The following CTIF variants were observed in gnomAD, a reference collection of about 807,000 sequenced individuals.
The protein encoded by CTIF is cap binding complex dependent translation initiation factor.
In CTIF, 21 loss-of-function variants were observed where a neutral mutation model predicts 66.0. That is an observed-to-expected ratio of 0.32 (90% CI 0.23 to 0.46). The LOEUF (loss-of-function observed/expected upper bound fraction) is 0.46. Among genes scored for constraint, CTIF ranks in the 20% least tolerant of loss-of-function variants. The pLI is 1.00. For synonymous variants in CTIF, 345 were observed against 326.4 expected, an observed-to-expected ratio of 1.06 and a Z score of -0.62; for missense variants, 739 against 812.7, an observed-to-expected ratio of 0.91 and a Z score of 1.10.
At position 48,832,173 on chromosome 18, in the gene CTIF, C is replaced by CTTTTTTTTTTTT. The variant is rs61221781; in HGVS notation, c.1527+14802_1527+14813dup. ...GCAGGGTCTGGAAAACGTGGTCCTTCTTTTTTTTTTTTTTTTAAGACAGGG... is the reference window on the plus strand; with the variant it reads ...GCAGGGTCTGGAAAACGTGGTCCTTCTTTTTTTTTTTTTTTTTTTTTTTTTTTTAAGACAGGG... On this transcript the variant is annotated intron_variant, in intron 10 of 11. Transcript: ENST00000256413. 3.0e-3 allele frequency among the ~76,000 whole-genome samples: 390 copies of CTTTTTTTTTTTT among 128,220 alleles called. 9 individuals carry two copies. Among genetic ancestry groups the CTTTTTTTTTTTT allele is most frequent in the South Asian group, 0.014 (57 of 4,088 alleles). 84.1% of individuals were successfully genotyped at this position (128,220 alleles called of 152,430 possible).
intron 9 of CTIF, among the ~76,000 whole-genome samples, chr18:48,798,635 C>T (rs1280049918): frequency 6.6e-6 from 1 of 152,222 alleles, no homozygotes; most frequent in African/African-American, 2.4e-5. Context: ...CCCCCACCTG[C>T]AGGCCTTACA....
At chr18:48,629,272 C>T (rs1448759022) in intron 2 of CTIF, among the ~76,000 whole-genome samples, 4 of 152,118 alleles carry the variant, frequency 2.6e-5, no homozygotes. Flanking sequence ...GTTAAGAAGC[C>T]CTGGGTAAGA....
chr18:48,647,814 C>G (rs1194002850), intron 3 of CTIF, among the ~76,000 whole-genome samples: 1 of 152,204 alleles, frequency 6.6e-6, no homozygotes, highest in Non-Finnish European at 1.5e-5. Context: ...AGGTCACCCC[C>G]CAGACCAGAT....
At chr18:48,680,876 G>A (rs745482450) in intron 6 of CTIF, among the ~76,000 whole-genome samples, 8 of 152,216 alleles carry the variant, frequency 5.3e-5, no homozygotes, top group Non-Finnish European at 1.0e-4. Flanking sequence ...TCTCCTTCCT[G>A]GCAGCGGTGA....
At chr18:48,662,625 C>A (rs2091365688) in intron 3 of CTIF, 1 of 151,398 alleles carries the variant, frequency 6.6e-6, no homozygotes, top group African/African-American at 2.4e-5. Context: ...GTTTTTGTGC[C>A]CTCTCCTTCT....
intron 7 of CTIF, among the ~76,000 whole-genome samples, chr18:48,731,012 T>C (rs983929408): frequency 7.2e-5 from 11 of 151,888 alleles, no homozygotes; most frequent in Non-Finnish European, 1.6e-4. Flanking sequence ...AAGAGAAAAG[T>C]GGAGAACCAT....
intron 2 of CTIF, among the ~76,000 whole-genome samples, chr18:48,623,276 AG>A (rs1568081523): frequency 6.6e-6 from 1 of 152,244 alleles, no homozygotes; most frequent in Non-Finnish European, 1.5e-5. Flanking sequence ...CGAAGAATGC[AG>A]ACACCTGGCA....
chr18:48,787,541 G>C (rs1050773436), intron 9 of CTIF, among the ~76,000 whole-genome samples: 1 of 152,120 alleles, frequency 6.6e-6, no homozygotes, highest in African/African-American at 2.4e-5. Context: ...GAGGGCCTTG[G>C]ATACAATTGC....
chr18:48,735,379 C>T lies in CTIF; in HGVS notation c.585-22540C>T, dbSNP rs551686690. On this transcript the variant is annotated intron_variant, in intron 7 of 11. Coordinates refer to ENST00000256413, the MANE Select transcript of CTIF (RefSeq NM_014772.3). ...AGCCAGTGAAGAATTAGAGCCAGTG[C>T]GCCAATTCTTCACTGCATCTGTGGC... is the stretch of plus-strand genomic sequence containing the variant. 1.7e-4 allele frequency among the ~76,000 whole-genome samples: 26 copies of T among 152,276 alleles called. 1 individual carries two copies. In the East Asian group the frequency reaches 1.9e-3, roughly 11 times the overall value.
chr18:48,738,477 C>T (rs532286855), intron 7 of CTIF, among the ~76,000 whole-genome samples: 2 of 152,298 alleles, frequency 1.3e-5, no homozygotes, highest in East Asian at 1.9e-4. Flanking sequence ...TCTGCACTCC[C>T]GCCACCCTGC....
At chr18:48,769,685 C>A (rs962162419) in intron 9 of CTIF, among the ~76,000 whole-genome samples, 1 of 152,368 alleles carries the variant, frequency 6.6e-6, no homozygotes, top group East Asian at 1.9e-4. Context: ...GTTCTTTGCC[C>A]CTGCGGCCAG....
intron 7 of CTIF, among the ~76,000 whole-genome samples, chr18:48,755,010 A>G (rs1448895572): frequency 1.3e-5 from 2 of 152,186 alleles, no homozygotes; most frequent in African/African-American, 4.8e-5. Context: ...CACTGGGTAG[A>G]GAGAGGGAAA....
chr18:48,641,761 A>C (rs1041475377), intron 3 of CTIF, among the ~76,000 whole-genome samples: 1 of 152,192 alleles, frequency 6.6e-6, no homozygotes, highest in Non-Finnish European at 1.5e-5. Flanking sequence ...GAAACACCCA[A>C]CTGGATCCAA....
chr18:48,695,215 G>T lies in CTIF; in HGVS notation c.508-16404G>T, dbSNP rs115285253. 3.6e-3 allele frequency among the ~76,000 whole-genome samples: 555 copies of T among 152,348 alleles called. 5 individuals carry two copies. Among genetic ancestry groups the T allele is most frequent in the African/African-American group, 0.013 (523 of 41,570 alleles). ...GCATTCAGTGCTGGAATTGTTTACA[G>T]AGCGAGTGCCCACCACAATTGGGGC... is the stretch of plus-strand genomic sequence containing the variant. On this transcript the variant is annotated intron_variant, in intron 6 of 11. Coordinates refer to ENST00000256413, the MANE Select transcript of CTIF (RefSeq NM_014772.3).
rs563152149 is a variant in CTIF at position 48,584,743 on chromosome 18, G to A, written c.-28-34795G>A. Among the ~76,000 whole-genome samples the A allele has an allele frequency of 1.0e-3, 156 of 152,276 alleles. 1 individual carries two copies. Among genetic ancestry groups the A allele is most frequent in the African/African-American group, 3.4e-3 (143 of 41,558 alleles). On this transcript the variant is annotated intron_variant, in intron 1 of 11. Transcript: ENST00000256413. ...CTCTCCAAGCTCTCCCATCTCTGAC[G>A]ATCTCCAAGGCCAGGAACCTGGCTC...
At chr18:48,636,543 C>A in intron 2 of CTIF, 71 bp from the exon 3 acceptor site, 2 of 1,183,716 alleles carry the variant, frequency 1.7e-6, no homozygotes, top group African/African-American at 1.6e-5. Context: ...GGGCACAACT[C>A]CTGCAGCCTG....
chr18:48,853,954 C>G (rs536014206), intron 10 of CTIF, among the ~76,000 whole-genome samples: 23 of 152,344 alleles, frequency 1.5e-4, no homozygotes, highest in African/African-American at 5.3e-4. Flanking sequence ...GGCTCCAGCT[C>G]TCCGTGAGTA....
At chr18:48,856,760 A>G (rs1261847276) in intron 10 of CTIF, among the ~76,000 whole-genome samples, 2 of 152,244 alleles carry the variant, frequency 1.3e-5, no homozygotes, top group Non-Finnish European at 2.9e-5. Context: ...GTGAGGAGGA[A>G]CAGGGAATGG....
intron 9 of CTIF, among the ~76,000 whole-genome samples, chr18:48,780,146 GCCTGC>G: frequency 6.6e-6 from 1 of 152,204 alleles, no homozygotes; most frequent in South Asian, 2.1e-4. Flanking sequence ...AAGAGGCCAA[GCCTGC>G]AAAGAAAAAA....
Sources: gnomAD v4.1 joint callset for allele counts (sites outside exome capture counted in the v4.1 genomes callset) on GRCh38, gnomAD v4.1.1 for gene constraint, MANE v1.5 for transcripts, NCBI Gene and HGNC (gene_info 2026-07-23, HGNC 2026-07-21) for gene names.